The following AIG1 variants were observed in gnomAD, a reference collection of about 807,000 sequenced individuals.
The protein encoded by AIG1 is androgen induced 1, also known as androgen-induced gene 1 protein.
A neutral mutation model predicts 31.4 loss-of-function variants in AIG1; 23 were observed. The ratio of observed to expected loss-of-function variants is 0.73; its 90% CI spans 0.53 to 1.04. AIG1 has a LOEUF of 1.04. Ranked by LOEUF, AIG1 falls within the 50% of genes least tolerant of loss-of-function variation. The pLI is 0.00. For synonymous variants in AIG1, 100 were observed against 110.5 expected (o/e 0.90, Z 0.60); for missense variants, 274 against 295.0 (o/e 0.93, Z 0.52).
chr6:143,335,358 C>T (rs1320875740), intron 5 of AIG1: 2 of 246,698 alleles, frequency 8.1e-6, no homozygotes, highest in East Asian at 1.4e-4. Flanking sequence ...ATGGTGAAAT[C>T]CCATCTCTAC....
At chr6:143,127,900 C>T (rs1782835104) in intron 1 of AIG1, among the ~76,000 whole-genome samples, 1 of 152,094 alleles carries the variant, frequency 6.6e-6, no homozygotes, top group Admixed American at 6.6e-5. Flanking sequence ...GTTGGCCAGG[C>T]TGGTCTGGAA....
intron 4 of AIG1, among the ~76,000 whole-genome samples, chr6:143,301,048 T>A (rs1420851198): frequency 2.6e-5 from 4 of 152,214 alleles, no homozygotes; most frequent in African/African-American, 9.6e-5. Flanking sequence ...AAGTTAATAG[T>A]TTAAGTTCAT....
chr6:143,190,774 T>C (rs1379251193), intron 3 of AIG1, among the ~76,000 whole-genome samples: 1 of 152,226 alleles, frequency 6.6e-6, no homozygotes, highest in Non-Finnish European at 1.5e-5. Flanking sequence ...TTTATATTTA[T>C]ACTAGCACAC....
chr6:143,234,252 AG>A (rs1465917140), intron 3 of AIG1, among the ~76,000 whole-genome samples: 1 of 152,214 alleles, frequency 6.6e-6, no homozygotes, highest in Non-Finnish European at 1.5e-5. Flanking sequence ...CAAAGGTAAA[AG>A]ATTTCTTTTT....
chr6:143,171,496 A>G (rs1787600188), intron 3 of AIG1, among the ~76,000 whole-genome samples: 1 of 121,876 alleles, frequency 8.2e-6, no homozygotes, highest in Non-Finnish European at 1.6e-5. Flanking sequence ...TAAATATATA[A>G]TATATATTTA....
chr6:143,083,266 A>G (rs890550593), intron 1 of AIG1, among the ~76,000 whole-genome samples: 2 of 152,230 alleles, frequency 1.3e-5, no homozygotes, highest in African/African-American at 4.8e-5. Flanking sequence ...GAAGTAAATC[A>G]TCCATGTACC....
intron 3 of AIG1, among the ~76,000 whole-genome samples, chr6:143,213,508 CTTTT>C (rs746350692): frequency 1.6e-4 from 10 of 61,194 alleles, no homozygotes; most frequent in East Asian, 1.6e-3. Context: ...TTTCTTTCTT[CTTTT>C]TTTTTTTTTT....
Position 143,325,659 on chromosome 6 carries a change from G to T in AIG1, c.516-7623G>T, listed in dbSNP as rs902299295. 2.6e-5 allele frequency among the ~76,000 whole-genome samples: 4 copies of T among 152,086 alleles called. No homozygotes were observed. The highest frequency in any genetic ancestry group is 9.7e-5 in the African/African-American group (4 of 41,412). Reference sequence around the variant, plus strand: ...CCTAAATCTAATCAATCACCATGTTGTCTTAACTATATTTGTTAAATCAGT... The same window carrying T: ...CCTAAATCTAATCAATCACCATGTTTTCTTAACTATATTTGTTAAATCAGT... On this transcript the variant is annotated intron_variant, in intron 4 of 5. Transcript: ENST00000357847. The surrounding 1 kb of genome is among the most constrained non-coding windows in gnomAD (Gnocchi z 4.3).
At chr6:143,165,400 G>A (rs1428917996) in intron 3 of AIG1, among the ~76,000 whole-genome samples, 1 of 152,180 alleles carries the variant, frequency 6.6e-6, no homozygotes, top group East Asian at 1.9e-4. Context: ...CGATGTAGTA[G>A]ATGAATCCAC....
At chr6:143,211,003 T>C (rs1477898461) in intron 3 of AIG1, among the ~76,000 whole-genome samples, 1 of 152,200 alleles carries the variant, frequency 6.6e-6, no homozygotes, top group African/African-American at 2.4e-5. Context: ...TTTAACCCTA[T>C]CTTTGCTTGC....
chr6:143,184,733 C>G (rs1326760210), intron 3 of AIG1, among the ~76,000 whole-genome samples: 1 of 152,200 alleles, frequency 6.6e-6, no homozygotes, highest in African/African-American at 2.4e-5. Flanking sequence ...TTCACCAGTC[C>G]CTTTTCCATG....
chr6:143,149,404 G>A (rs1193796095), intron 2 of AIG1, among the ~76,000 whole-genome samples: 3 of 151,894 alleles, frequency 2.0e-5, no homozygotes, highest in African/African-American at 2.4e-5. Context: ...GCGGGTGCCT[G>A]TAGTCCCAGC....
At chr6:143,082,743 G>A (rs1778382760) in intron 1 of AIG1, among the ~76,000 whole-genome samples, 1 of 152,192 alleles carries the variant, frequency 6.6e-6, no homozygotes, top group South Asian at 2.1e-4. Flanking sequence ...TCCTTACTCA[G>A]GTATGCCACG....
chr6:143,122,673 A>T (rs1372090288), intron 1 of AIG1, among the ~76,000 whole-genome samples: 1 of 152,136 alleles, frequency 6.6e-6, no homozygotes, highest in Non-Finnish European at 1.5e-5. Flanking sequence ...ACATGAGATT[A>T]GTTCTTCATA....
intron 1 of AIG1, chr6:143,099,700 T>C (rs1203944883): frequency 6.6e-6 from 1 of 152,180 alleles, no homozygotes; most frequent in Admixed American, 6.5e-5. Flanking sequence ...ATAGAAATAG[T>C]GTGTTTAAGT....
intron 3 of AIG1, among the ~76,000 whole-genome samples, chr6:143,233,773 T>G (rs183668106): frequency 1.2e-4 from 19 of 152,284 alleles, no homozygotes; most frequent in African/African-American, 4.6e-4. Flanking sequence ...GTTTACACAT[T>G]CAGATAGGTT....
intron 2 of AIG1, among the ~76,000 whole-genome samples, chr6:143,148,217 T>G (rs1183583374): frequency 6.6e-6 from 1 of 151,214 alleles, no homozygotes; most frequent in East Asian, 1.9e-4. Flanking sequence ...ACCTATATTA[T>G]GGACTGGACA....
Position 143,284,977 on chromosome 6 carries a change from G to A in AIG1, c.515+752G>A, listed in dbSNP as rs745396285. On this transcript the variant is annotated intron_variant, in intron 4 of 5. Coordinates refer to ENST00000357847, the MANE Select transcript of AIG1 (RefSeq NM_016108.4). The surrounding 1 kb of genome is among the most constrained non-coding windows in gnomAD (Gnocchi z 4.4). ...TGACATATTAACACGCACAGAGGAG[G>A]TCCCTCCTGCCAGCATTTCTGCCTC... 1.3e-5 allele frequency among the ~76,000 whole-genome samples: 2 copies of A among 151,994 alleles called. No homozygotes were observed. The highest frequency in any genetic ancestry group is 2.9e-5 in the Non-Finnish European group (2 of 67,998).
At chr6:143,282,967 T>G (rs977965937) in intron 3 of AIG1, among the ~76,000 whole-genome samples, 7 of 152,202 alleles carry the variant, frequency 4.6e-5, no homozygotes, top group African/African-American at 1.7e-4. Flanking sequence ...GCAACGATTC[T>G]TTCACGGCTG....
Sources: allele counts gnomAD v4.1 joint callset (sites outside exome capture counted in the v4.1 genomes callset), GRCh38; gene constraint gnomAD v4.1.1; non-coding constraint Gnocchi (gnomAD v3.1); transcripts MANE v1.5; gene names NCBI Gene and HGNC (gene_info 2026-07-23, HGNC 2026-07-21).